Variants in TDP2 observed in about 807,000 individuals in gnomAD.
TDP2 encodes tyrosyl-DNA phosphodiesterase 2.
TDP2 carries 38 observed loss-of-function variants against 42.8 expected under a neutral mutation model. That is an observed-to-expected ratio of 0.89 (90% CI 0.68 to 1.16). The LOEUF (loss-of-function observed/expected upper bound fraction) is 1.16. Among genes scored for constraint, TDP2 ranks in the 50% most tolerant of loss-of-function variants. The pLI, the probability that TDP2 is intolerant of heterozygous loss-of-function variation, is 0.00. For missense variants in TDP2, 439 were observed against 439.3 expected (o/e 1.00, Z 0.01); for synonymous variants, 173 against 150.6 (o/e 1.15, Z -1.09).
Position 24,654,488 on chromosome 6 carries a change from G to A in TDP2, c.560C>T (p.Ser187Leu), listed in dbSNP as rs1209809150. 29 of 1,583,908 alleles carry A rather than the reference G, an allele frequency of 1.8e-5. No individual in the cohort carries two copies. Among genetic ancestry groups the A allele is most frequent in the Non-Finnish European group, 2.5e-5 (29 of 1,160,940 alleles). The part of the protein sequence containing the change: ...GYFTAIMLKK[S>L]RVKLKSQEII... The stretch of plus-strand genomic sequence containing the variant: ...CTCTTGGCTTTTTAATTTCACTCTT[G>A]ATTTCTTCAACATTATAGCTGTGAA... Residue 187 changes from serine to leucine, a missense_variant, in exon 5 of 7, where the codon TCA becomes TTA. Physicochemically the swap from Ser to Leu is moderately radical, Grantham distance 145. Transcript: ENST00000378198.
At chr6:24,653,347 G>A (rs571189678) in intron 5 of TDP2, among the ~76,000 whole-genome samples, 194 bp from the exon 6 acceptor site, 1 of 152,292 alleles carries the variant, frequency 6.6e-6, no homozygotes, top group East Asian at 1.9e-4. Flanking sequence ...CGACGGTTTA[G>A]CAAGCACGAC....
At chr6:24,654,843 C>G (rs1778038450) in intron 4 of TDP2, among the ~76,000 whole-genome samples, 1 of 152,156 alleles carries the variant, frequency 6.6e-6, no homozygotes, top group African/African-American at 2.4e-5. Flanking sequence ...GAGTTTGAGA[C>G]CAACCTGACC....
chr6:24,659,572 ATG>A (rs1436819699), intron 2 of TDP2, among the ~76,000 whole-genome samples: 11 of 152,224 alleles, frequency 7.2e-5, no homozygotes, highest in Non-Finnish European at 1.5e-4. Flanking sequence ...CTTCAATGAC[ATG>A]TGTCACTAGA....
Position 24,666,745 on chromosome 6 carries a change from CA to C in TDP2, c.117del (p.Asp39GlufsTer20). 1 of 1,614,264 alleles carries C rather than the reference CA, an allele frequency of 6.2e-7. No homozygotes were observed. The highest frequency in any genetic ancestry group is 8.5e-7 in the Non-Finnish European group (1 of 1,180,040). ...CVEFASVASCDAAVAQCFLAE... is the reference protein window; with the variant it reads ...CVEFASVASCXAAVAQCFLAE... ...GCCAGGAAGCACTGAGCCACTGCGG[CA>C]TCGCAGCTTGCGACCGAGGCAAACT... On this transcript the variant is annotated frameshift_variant, in exon 1 of 7. Coordinates refer to ENST00000378198, the MANE Select transcript of TDP2 (RefSeq NM_016614.3). LOFTEE classifies it high-confidence loss of function.
intron 2 of TDP2, among the ~76,000 whole-genome samples, chr6:24,660,236 C>T (rs760242481): frequency 1.3e-5 from 2 of 152,122 alleles, no homozygotes; most frequent in African/African-American, 2.4e-5. Flanking sequence ...TTCCTAAACA[C>T]GAAGACATGC....
At chr6:24,657,729 G>T in intron 4 of TDP2, 83 bp downstream of exon 4, 4 of 684,796 alleles carry the variant, frequency 5.8e-6, no homozygotes, top group South Asian at 2.1e-5. Flanking sequence ...TCCTCTCTAT[G>T]TCCCAATAGA....
At chr6:24,666,063 G>A (rs759208242) in intron 2 of TDP2, 10 of 1,520,816 alleles carry the variant, frequency 6.6e-6, no homozygotes, top group Admixed American at 2.2e-5. Context: ...CTGGAGAGGG[G>A]CACTGAAATA....
intron 2 of TDP2, among the ~76,000 whole-genome samples, chr6:24,665,383 C>T (rs1011695133): frequency 2.6e-5 from 4 of 152,184 alleles, no homozygotes; most frequent in African/African-American, 9.7e-5. Context: ...GTTAGTAAAA[C>T]GGGAGCCAGA....
Position 24,658,745 on chromosome 6 carries a change from C to A in TDP2, c.252-11G>T. On this transcript the variant is annotated splice_polypyrimidine_tract_variant and intron_variant, in intron 2 of 6. Transcript: ENST00000378198. ...TTGGTTAGGTCAACACTGGCAAGAT[C>A]AGAATAAAACATGGCTTTGCAAATA... The A allele has an allele frequency of 6.2e-7, 1 of 1,600,166 alleles. No individual in the cohort carries two copies. The highest frequency in any genetic ancestry group is 1.1e-5 in the South Asian group (1 of 88,968).
At chr6:24,662,852 T>C (rs563931041) in intron 2 of TDP2, among the ~76,000 whole-genome samples, 1 of 152,360 alleles carries the variant, frequency 6.6e-6, no homozygotes, top group Non-Finnish European at 1.5e-5. Context: ...GTTATTTCCT[T>C]TTTATGAAAA....
chr6:24,656,010 A>T (rs1778055928), intron 4 of TDP2, among the ~76,000 whole-genome samples: 1 of 152,220 alleles, frequency 6.6e-6, no homozygotes, highest in South Asian at 2.1e-4. Flanking sequence ...CCAAAAGCCA[A>T]GGATCCCTAC....
At position 24,666,899 on chromosome 6, in the gene TDP2, C is replaced by G; in HGVS notation, c.-37G>C. 6.2e-7 allele frequency: 1 copy of G among 1,610,046 alleles called. No homozygotes were observed. Among genetic ancestry groups the G allele is most frequent in the East Asian group, 2.2e-5 (1 of 44,882 alleles). On this transcript the variant is annotated 5_prime_UTR_variant, in exon 1 of 7. Coordinates refer to ENST00000378198, the MANE Select transcript of TDP2 (RefSeq NM_016614.3). ...CTCTGCACCGCCCCTTTAAGCGGAA[C>G]AGGAGGCCAACGCGCGGCTCTGCGC...
intron 6 of TDP2, among the ~76,000 whole-genome samples, chr6:24,651,960 T>C (rs1777983044): frequency 6.7e-6 from 1 of 150,204 alleles, no homozygotes; most frequent in East Asian, 1.9e-4. Flanking sequence ...ATGACTACCA[T>C]CCATCTCCAG....
chr6:24,664,674 T>C (rs1000289540), intron 2 of TDP2, among the ~76,000 whole-genome samples: 4 of 152,204 alleles, frequency 2.6e-5, no homozygotes, highest in Non-Finnish European at 5.9e-5. Context: ...AATTTTTTTT[T>C]CCCTTTCATT....
At chr6:24,654,687 G>A (rs562840465) in intron 4 of TDP2, among the ~76,000 whole-genome samples, 157 bp from the exon 5 acceptor site, 2 of 152,178 alleles carry the variant, frequency 1.3e-5, no homozygotes, top group East Asian at 1.9e-4. Context: ...GTTCATCATG[G>A]CCAAACAAGT....
chr6:24,658,319 G>A lies in TDP2; in HGVS notation c.425+242C>T, dbSNP rs17249924. ...ATCTTTTTGGTAGTTTTAATTTCAC[G>A]TAGTTACGATAAACAAAGTTGAAGA... On this transcript the variant is annotated intron_variant, in intron 3 of 6. Coordinates refer to ENST00000378198, the MANE Select transcript of TDP2 (RefSeq NM_016614.3). Among the ~76,000 whole-genome samples, 902 of 152,294 alleles carry A rather than the reference G, an allele frequency of 5.9e-3. 11 individuals carry two copies. The highest frequency in any genetic ancestry group is 0.021 in the African/African-American group (860 of 41,558).
chr6:24,654,992 C>G (rs911872959), intron 4 of TDP2, among the ~76,000 whole-genome samples: 1 of 151,998 alleles, frequency 6.6e-6, no homozygotes, highest in African/African-American at 2.4e-5. Flanking sequence ...GAGCTGAGAT[C>G]GTGCCATCGC....
At chr6:24,666,036 CTTT>C (rs1562151518) in intron 2 of TDP2, 20 of 1,483,610 alleles carry the variant, frequency 1.3e-5, no homozygotes, top group Non-Finnish European at 1.7e-5. Context: ...GGCAGCTACA[CTTT>C]TTAAGTGCAG....
chr6:24,662,782 G>GC (rs1778173959), intron 2 of TDP2, among the ~76,000 whole-genome samples: 1 of 152,180 alleles, frequency 6.6e-6, no homozygotes, highest in South Asian at 2.1e-4. Context: ...GGAGGGGCTG[G>GC]CCCCCTTCAT....
Sources: gnomAD v4.1 joint callset for allele counts (sites outside exome capture counted in the v4.1 genomes callset) on GRCh38, gnomAD v4.1.1 for gene constraint, MANE v1.5 for transcripts, NCBI Gene and HGNC (gene_info 2026-07-23, HGNC 2026-07-21) for gene names.